The following EXOC4 variants were observed in gnomAD, a reference collection of about 807,000 sequenced individuals.
EXOC4 encodes SEC8-like 1.
Under a neutral mutation model 107.2 loss-of-function variants are expected in EXOC4, and 71 were observed. The observed-to-expected ratio is 0.66, with a 90% CI of 0.55 to 0.81. The LOEUF is 0.81. EXOC4 is among the 30% of genes least tolerant of loss of function. EXOC4 has a pLI of 0.00. For synonymous variants in EXOC4, 456 were observed against 441.2 expected (o/e 1.03, Z -0.42); for missense variants, 1,108 against 1,189.6 (o/e 0.93, Z 1.01).
intron 14 of EXOC4, among the ~76,000 whole-genome samples, chr7:133,960,459 TG>T (rs1277783438): frequency 6.6e-6 from 1 of 152,248 alleles, no homozygotes; most frequent in Non-Finnish European, 1.5e-5. Context: ...GGCAGAATTC[TG>T]TGAATCCATC....
chr7:133,857,308 TATATATATATATAC>T lies in EXOC4; in HGVS notation c.1735-38289_1735-38276del, dbSNP rs1798425061. ...ATATATATATATATACACGTATATA[TATATATATATATAC>T]ACGTATATATATATATATATATATA... is the stretch of plus-strand genomic sequence containing the variant. On this transcript the variant is annotated intron_variant, in intron 11 of 17. Coordinates refer to ENST00000253861, the MANE Select transcript of EXOC4 (RefSeq NM_021807.4). Among the ~76,000 whole-genome samples the T allele has an allele frequency of 1.0e-4, 2 of 19,214 alleles. 1 individual carries two copies. Among genetic ancestry groups the T allele is most frequent in the African/African-American group, 8.0e-4 (2 of 2,514 alleles). 12.6% of individuals were successfully genotyped at this position (19,214 alleles called of 152,430 possible).
intron 17 of EXOC4, among the ~76,000 whole-genome samples, chr7:134,013,987 C>T (rs918722545): frequency 6.6e-6 from 1 of 152,126 alleles, no homozygotes; most frequent in African/African-American, 2.4e-5. Context: ...AAAAGTTAAA[C>T]ATAGAGTTAT....
At chr7:134,081,921 T>C in the EXOC4 span, among the ~76,000 whole-genome samples, 65 of 152,304 alleles carry the variant, frequency 4.3e-4, no homozygotes, top group Middle Eastern at 3.4e-3. Flanking sequence ...AGAGTCCTTA[T>C]ACATTCAAAA....
chr7:133,592,148 A>G (rs1297708518), intron 9 of EXOC4, among the ~76,000 whole-genome samples: 1 of 151,984 alleles, frequency 6.6e-6, no homozygotes, highest in Non-Finnish European at 1.5e-5. Flanking sequence ...TGTAGCTTCA[A>G]ACTCCTGTGC....
intron 17 of EXOC4, among the ~76,000 whole-genome samples, chr7:134,040,419 C>G (rs1353152571): frequency 6.6e-6 from 1 of 152,158 alleles, no homozygotes; most frequent in Non-Finnish European, 1.5e-5. Context: ...TCTGGCTGTT[C>G]TGATTCATTC....
chr7:133,819,951 A>G (rs540061734), intron 11 of EXOC4, among the ~76,000 whole-genome samples: 1 of 152,016 alleles, frequency 6.6e-6, no homozygotes, highest in South Asian at 2.1e-4. Flanking sequence ...ATCACTCCCA[A>G]CCTCATCACC....
chr7:133,489,934 G>A (rs1194974190), intron 9 of EXOC4, among the ~76,000 whole-genome samples: 1 of 152,170 alleles, frequency 6.6e-6, no homozygotes, highest in Non-Finnish European at 1.5e-5. Flanking sequence ...AGCCAACATG[G>A]ACGTGTAATT....
intron 11 of EXOC4, among the ~76,000 whole-genome samples, chr7:133,869,353 C>T (rs1798706042): frequency 6.6e-6 from 1 of 152,086 alleles, no homozygotes; most frequent in Non-Finnish European, 1.5e-5. Flanking sequence ...TGGGCTCCTC[C>T]ACTTACTAGT....
At chr7:133,630,462 G>A (rs1244207546) in intron 10 of EXOC4, among the ~76,000 whole-genome samples, 2 of 151,842 alleles carry the variant, frequency 1.3e-5, no homozygotes, top group Non-Finnish European at 2.9e-5. Flanking sequence ...CTGCTTACTG[G>A]AGAAATCTAC....
intron 5 of EXOC4, among the ~76,000 whole-genome samples, chr7:133,337,031 C>T (rs1410808132): frequency 6.6e-6 from 1 of 152,082 alleles, no homozygotes; most frequent in Non-Finnish European, 1.5e-5. Flanking sequence ...CCACTCCTGG[C>T]CATGTTTTAT....
intron 9 of EXOC4, among the ~76,000 whole-genome samples, chr7:133,501,693 G>GA (rs1044040238): frequency 6.6e-6 from 1 of 152,152 alleles, no homozygotes; most frequent in African/African-American, 2.4e-5. Context: ...GAAGCTGGGT[G>GA]AAAAGATTTG....
chr7:133,413,530 T>G (rs1797408486), intron 7 of EXOC4, among the ~76,000 whole-genome samples: 1 of 152,152 alleles, frequency 6.6e-6, no homozygotes, highest in South Asian at 2.1e-4. Flanking sequence ...TGGTGTCAAA[T>G]TTAGGCTTGA....
chr7:134,085,475 T>C, the EXOC4 span, among the ~76,000 whole-genome samples: 2 of 152,326 alleles, frequency 1.3e-5, no homozygotes, highest in African/African-American at 4.8e-5. Context: ...GCACTATTCC[T>C]GTACTCCTCA....
chr7:133,898,811 C>T (rs970533489), intron 12 of EXOC4, among the ~76,000 whole-genome samples: 5 of 145,368 alleles, frequency 3.4e-5, no homozygotes, highest in African/African-American at 1.3e-4. Context: ...AAGCCCATCT[C>T]TACCAAAAGT....
At chr7:133,803,672 G>A (rs1797002058) in intron 10 of EXOC4, among the ~76,000 whole-genome samples, 1 of 152,162 alleles carries the variant, frequency 6.6e-6, no homozygotes, top group Non-Finnish European at 1.5e-5. Context: ...CAGTTAGACA[G>A]GAAGACACCT....
rs147938380 is a variant in EXOC4, at chr7:133,361,245, C to A, written c.1007+4672C>A. Among the ~76,000 whole-genome samples, 50 of 152,224 alleles carry A rather than the reference C, an allele frequency of 3.3e-4. 3 individuals carry two copies. The highest frequency in any genetic ancestry group is 1.2e-3 in the African/African-American group (50 of 41,522). The stretch of plus-strand genomic sequence containing the variant: ...GAAAGCAGCCAGATTCTTGATATGC[C>A]ATTTTCACTGTTTTTGCTTACCTCT... On this transcript the variant is annotated intron_variant, in intron 6 of 17. Transcript: ENST00000253861.
chr7:134,049,848 A>G (rs60693407), intron 17 of EXOC4, among the ~76,000 whole-genome samples: 10,375 of 152,278 alleles, frequency 0.068, 1,190 homozygotes, highest in African/African-American at 0.24. Context: ...GAAAGGGACT[A>G]TATAAGCAGT....
chr7:133,458,116 C>T (rs2150819684), intron 7 of EXOC4, among the ~76,000 whole-genome samples: 1 of 152,254 alleles, frequency 6.6e-6, no homozygotes, highest in East Asian at 1.9e-4. Context: ...TATTTTCTGA[C>T]TTTGAGTTCT....
chr7:133,375,657 G>A (rs979403252), intron 7 of EXOC4, among the ~76,000 whole-genome samples: 1 of 152,084 alleles, frequency 6.6e-6, no homozygotes, highest in Non-Finnish European at 1.5e-5. Flanking sequence ...CATGTACATA[G>A]CTTAATTTTG....
Sources: gnomAD v4.1 joint callset for allele counts (sites outside exome capture counted in the v4.1 genomes callset) on GRCh38, gnomAD v4.1.1 for gene constraint, MANE v1.5 for transcripts, NCBI Gene and HGNC (gene_info 2026-07-23, HGNC 2026-07-21) for gene names.